The following UBE4B variants were observed in gnomAD, a reference collection of about 807,000 sequenced individuals.
UBE4B encodes the protein ubiquitination factor E4B.
In UBE4B, 27 loss-of-function variants were observed where a neutral mutation model predicts 148.1. That is an observed-to-expected ratio of 0.18 (90% CI 0.13 to 0.25). The LOEUF is 0.25. UBE4B is among the 10% of genes least tolerant of loss of function. The pLI is 1.00. For synonymous variants in UBE4B, 596 were observed against 619.3 expected (o/e 0.96, Z 0.56); for missense variants, 1,170 against 1,662.4 (o/e 0.70, Z 5.15).
At chr1:10,092,854 A>G (rs1644871761) in intron 2 of UBE4B, among the ~76,000 whole-genome samples, 2 of 151,970 alleles carry the variant, frequency 1.3e-5, no homozygotes, top group African/African-American at 4.8e-5. Flanking sequence ...GAAAGAAAAG[A>G]AAAGAAGGAA....
In UBE4B at chr1:10,095,473, G is replaced by C; in HGVS notation, c.224G>C (p.Arg75Pro). Reference protein sequence around the residue: ...SPIGASGVAHRSQSSEGVSSL... With the variant: ...SPIGASGVAHPSQSSEGVSSL... ...GTTTTCTGTTTAGGAGTAGCCCATC[G>C]AAGCCAGAGCAGTGAAGGAGTCAGT... The change falls in exon 3 of 28, where the codon CGA becomes CCA. Residue 75 changes from arginine to proline, a missense_variant. Transcript: ENST00000343090. 6.2e-7 allele frequency: 1 copy of C among 1,614,058 alleles called. No homozygotes were observed. Among genetic ancestry groups the C allele is most frequent in the South Asian group, 1.1e-5 (1 of 91,078 alleles).
chr1:10,069,369 G>C (rs558468151), intron 1 of UBE4B, among the ~76,000 whole-genome samples: 1 of 152,220 alleles, frequency 6.6e-6, no homozygotes, highest in East Asian at 1.9e-4. Context: ...CTGGTGCAAC[G>C]GAAGTTCTTG....
At chr1:10,074,653 G>A (rs181226464) in intron 2 of UBE4B, among the ~76,000 whole-genome samples, 2 of 152,268 alleles carry the variant, frequency 1.3e-5, no homozygotes, top group South Asian at 2.1e-4. Context: ...CTGGAAACAC[G>A]TTTTTCTTTT....
At chr1:10,113,495 C>T (rs976877902) in intron 7 of UBE4B, among the ~76,000 whole-genome samples, 3 of 152,210 alleles carry the variant, frequency 2.0e-5, no homozygotes, top group Admixed American at 6.5e-5. Flanking sequence ...TTGCCTGGCA[C>T]AAGAAAAGCA....
At chr1:10,069,099 A>C (rs1201631730) in intron 1 of UBE4B, among the ~76,000 whole-genome samples, 13 of 152,236 alleles carry the variant, frequency 8.5e-5, no homozygotes, top group Non-Finnish European at 4.4e-5. Flanking sequence ...ACCGCATATT[A>C]TAGTGAGTCA....
chr1:10,097,550 C>T (rs936569499), intron 3 of UBE4B, among the ~76,000 whole-genome samples: 16 of 152,204 alleles, frequency 1.1e-4, no homozygotes, highest in Non-Finnish European at 1.5e-5. Flanking sequence ...GTGGCTTACG[C>T]CTGTAATCCC....
intron 23 of UBE4B, among the ~76,000 whole-genome samples, chr1:10,164,245 G>T (rs1159549336): frequency 1.3e-5 from 2 of 152,096 alleles, no homozygotes; most frequent in African/African-American, 4.8e-5. Flanking sequence ...GAAGGCTGAG[G>T]TGGGAGAATC....
At chr1:10,060,751 T>C (rs1309293094) in intron 1 of UBE4B, among the ~76,000 whole-genome samples, 1 of 152,030 alleles carries the variant, frequency 6.6e-6, no homozygotes, top group Non-Finnish European at 1.5e-5. Context: ...AGTGAGCTAG[T>C]GAGATTCTGG....
chr1:10,034,109 T>G (rs918366638), intron 1 of UBE4B, among the ~76,000 whole-genome samples: 4 of 152,202 alleles, frequency 2.6e-5, no homozygotes, highest in Non-Finnish European at 4.4e-5. Flanking sequence ...AGAAAGCATT[T>G]GAAATTCCAG....
At chr1:10,055,247 T>C (rs1441800433) in intron 1 of UBE4B, among the ~76,000 whole-genome samples, 1 of 152,100 alleles carries the variant, frequency 6.6e-6, no homozygotes, top group Non-Finnish European at 1.5e-5. Flanking sequence ...CTTGTGAAAA[T>C]GTCTCGTAGG....
At chr1:10,165,887 G>A (rs1321483250) in intron 23 of UBE4B, among the ~76,000 whole-genome samples, 2 of 152,060 alleles carry the variant, frequency 1.3e-5, no homozygotes, top group South Asian at 2.1e-4. Context: ...CCTCCCTAAC[G>A]GAATCTAAGC....
At chr1:10,070,761 T>C (rs1644470751) in intron 1 of UBE4B, among the ~76,000 whole-genome samples, 2 of 152,016 alleles carry the variant, frequency 1.3e-5, no homozygotes, top group Non-Finnish European at 2.9e-5. Flanking sequence ...TCTTTAATTA[T>C]ATGTTAAAAG....
At chr1:10,078,425 C>T (rs1644620870) in intron 2 of UBE4B, among the ~76,000 whole-genome samples, 1 of 152,078 alleles carries the variant, frequency 6.6e-6, no homozygotes, top group Non-Finnish European at 1.5e-5. Flanking sequence ...AGCTTTTAGC[C>T]TAGTTGGGGA....
At position 10,106,066 on chromosome 1, in the gene UBE4B, A is replaced by G. The variant is rs371688777; in HGVS notation, c.810-131A>G. The G allele has an allele frequency of 3.8e-6, 4 of 1,058,396 alleles. No individual in the cohort carries two copies. The highest frequency in any genetic ancestry group is 3.2e-5 in the African/African-American group (2 of 62,304). 65.6% of individuals were successfully genotyped at this position (1,058,396 alleles called of 1,614,324 possible). A position where few individuals can be genotyped will look rare whatever the true frequency, so the allele number is the denominator to read the frequency against. On this transcript the variant is annotated intron_variant, in intron 6 of 27. Transcript: ENST00000343090. This position sits in a 1 kb window ranked among gnomAD's most constrained non-coding sequence, Gnocchi z 4.2. ...GGGCAATTAGATTATAATTATTTAG[A>G]TGTTTATCTGCTAGATATACTTGAA...
At chr1:10,179,743 C>T (rs1340062345) in intron 27 of UBE4B, 152 bp from the exon 28 acceptor site, 4 of 1,302,340 alleles carry the variant, frequency 3.1e-6, no homozygotes, top group African/African-American at 1.5e-5. Flanking sequence ...GACATCCAGT[C>T]CCTCCCTCTC....
intron 21 of UBE4B, among the ~76,000 whole-genome samples, chr1:10,154,763 A>C (rs1271839421): frequency 6.6e-6 from 1 of 152,046 alleles, no homozygotes; most frequent in African/African-American, 2.4e-5. Context: ...AATCACTTGA[A>C]TCAGGGAGGC....
intron 25 of UBE4B, among the ~76,000 whole-genome samples, chr1:10,177,004 G>T (rs1296483198): frequency 2.0e-5 from 3 of 150,378 alleles, no homozygotes; most frequent in African/African-American, 7.3e-5. Context: ...AGCCAGGATG[G>T]TCTCGATCTC....
At chr1:10,061,449 G>T (rs572192134) in intron 1 of UBE4B, among the ~76,000 whole-genome samples, 4 of 152,206 alleles carry the variant, frequency 2.6e-5, no homozygotes, top group Admixed American at 2.0e-4. Context: ...TAGAGACGGG[G>T]TTTCACCATC....
At chr1:10,157,699 ACC>A in intron 21 of UBE4B, among the ~76,000 whole-genome samples, 1 of 151,578 alleles carries the variant, frequency 6.6e-6, no homozygotes, top group East Asian at 1.9e-4. Context: ...AATTGCTTGA[ACC>A]CCGAGGCAGA....
Sources: gnomAD v4.1 joint callset for allele counts (sites outside exome capture counted in the v4.1 genomes callset) on GRCh38, gnomAD v4.1.1 for gene constraint, Gnocchi (gnomAD v3.1) non-coding constraint, MANE v1.5 for transcripts, NCBI Gene and HGNC (gene_info 2026-07-23, HGNC 2026-07-21) for gene names.